The following FERMT1 variants were observed in gnomAD, a reference collection of about 807,000 sequenced individuals.
FERMT1 encodes the protein fermitin family homolog 1.
A neutral mutation model predicts 85.3 loss-of-function variants in FERMT1; 60 were observed. The ratio of observed to expected loss-of-function variants is 0.70; its 90% CI spans 0.57 to 0.87. The LOEUF (loss-of-function observed/expected upper bound fraction) is 0.87, where lower values mean the gene tolerates loss of function less well. Ranked by LOEUF, FERMT1 falls within the 40% of genes least tolerant of loss-of-function variation. FERMT1 has a pLI of 0.00. For missense variants in FERMT1, 701 were observed against 818.9 expected, an observed-to-expected ratio of 0.86 and a Z score of 1.76; for synonymous variants, 275 against 301.1, an observed-to-expected ratio of 0.91 and a Z score of 0.90.
At chr20:6,117,362 G>A (rs1217762987) in intron 2 of FERMT1, among the ~76,000 whole-genome samples, 2 of 151,556 alleles carry the variant, frequency 1.3e-5, no homozygotes, top group African/African-American at 4.9e-5. Flanking sequence ...TCTGCCTCCT[G>A]GGTTCAAGCG....
At chr20:6,078,443 T>C (rs1285578783) in intron 14 of FERMT1, among the ~76,000 whole-genome samples, 1 of 152,170 alleles carries the variant, frequency 6.6e-6, no homozygotes, top group African/African-American at 2.4e-5. Context: ...GAGGGAAGAT[T>C]GAGTCTGTAT....
chr20:6,111,152 G>C (rs1982937531), intron 4 of FERMT1, among the ~76,000 whole-genome samples: 4 of 152,140 alleles, frequency 2.6e-5, no homozygotes, highest in Admixed American at 1.3e-4. Context: ...ATTTCAGTAG[G>C]AGTCTTGGCA....
chr20:6,117,409 C>G (rs1600450633), intron 2 of FERMT1, among the ~76,000 whole-genome samples: 2 of 138,736 alleles, frequency 1.4e-5, no homozygotes, highest in African/African-American at 2.8e-5. Flanking sequence ...GCTGGGATTA[C>G]AGGTGCGCAC....
At position 6,079,469 on chromosome 20, in the gene FERMT1, G is replaced by A. The variant is rs766309966; in HGVS notation, c.1827C>T (p.Ile609=). ...IPVTTWRFTN[I]KQWNVNWETR... is the part of the protein sequence containing the mutation. The stretch of plus-strand genomic sequence containing the variant: ...TTTCCCAGTTTACATTCCACTGTTT[G>A]ATATTTGTGAATCTCCATGTTGTCA... Residue 609 remains isoleucine (I), a synonymous_variant, in exon 14 of 15, where the codon ATC becomes ATT. Coordinates refer to ENST00000217289, the MANE Select transcript of FERMT1 (RefSeq NM_017671.5). 4.3e-6 allele frequency: 7 copies of A among 1,614,078 alleles called. No individual in the cohort carries two copies. The South Asian group carries it at 6.6e-5, about 15-fold the overall frequency.
chr20:6,102,704 AAAG>A (rs1242742931), intron 6 of FERMT1, among the ~76,000 whole-genome samples: 2 of 149,476 alleles, frequency 1.3e-5, no homozygotes, highest in African/African-American at 4.9e-5. Context: ...AAAAAAAAGA[AAAG>A]AAAATAGAAA....
In FERMT1 at chr20:6,076,492, G is replaced by T; in HGVS notation, c.*681C>A. On this transcript the variant is annotated 3_prime_UTR_variant, in exon 15 of 15. Transcript: ENST00000217289. ...GGAATGGGGCTTGCAGGTGGCCCCA[G>T]AAATCTGAGGAGACCAATGACTAAG... 1 of 515,178 alleles carries T rather than the reference G, an allele frequency of 1.9e-6. No homozygotes were observed. Among genetic ancestry groups the T allele is most frequent in the Non-Finnish European group, 3.9e-6 (1 of 258,352 alleles). The allele number at this position is 515,178 out of a possible 1,614,324, so 31.9% of individuals were successfully genotyped here. A position where few individuals can be genotyped will look rare whatever the true frequency, so the allele number is the denominator to read the frequency against.
chr20:6,111,116 C>G (rs892373416), intron 4 of FERMT1, among the ~76,000 whole-genome samples: 1 of 152,126 alleles, frequency 6.6e-6, no homozygotes, highest in Non-Finnish European at 1.5e-5. Flanking sequence ...GAGACCACCT[C>G]TTTTCTAATA....
At chr20:6,114,840 A>G (rs1054846665) in intron 3 of FERMT1, among the ~76,000 whole-genome samples, 2 of 152,166 alleles carry the variant, frequency 1.3e-5, no homozygotes, top group Admixed American at 1.3e-4. Flanking sequence ...GGTACTATCC[A>G]TCCCATTTTA....
rs1212980420 is a variant in FERMT1, at chr20:6,104,478, A to G, written c.849+3054T>C. Among the ~76,000 whole-genome samples, 3 of 152,212 alleles carry G rather than the reference A, an allele frequency of 2.0e-5. No individual in the cohort carries two copies. Among genetic ancestry groups the G allele is most frequent in the Admixed American group, 6.5e-5 (1 of 15,278 alleles). On this transcript the variant is annotated intron_variant, in intron 6 of 14. Coordinates refer to ENST00000217289, the MANE Select transcript of FERMT1 (RefSeq NM_017671.5). This position sits in a 1 kb window ranked among gnomAD's most constrained non-coding sequence, Gnocchi z 4.2. Reference sequence around the variant, plus strand: ...GAGTCTTAAACTTGATTTTATCTATAGCACTCATAATTTTGAGAGAGGGGG... The same window carrying G: ...GAGTCTTAAACTTGATTTTATCTATGGCACTCATAATTTTGAGAGAGGGGG...
At chr20:6,084,879 G>T (rs1982117703) in intron 12 of FERMT1, among the ~76,000 whole-genome samples, 187 bp downstream of exon 12, 1 of 152,000 alleles carries the variant, frequency 6.6e-6, no homozygotes, top group Admixed American at 6.6e-5. Flanking sequence ...TTTTAGTATA[G>T]AAGGGATTTT....
chr20:6,120,742 G>C (rs1233333275), intron 1 of FERMT1, among the ~76,000 whole-genome samples: 4 of 152,116 alleles, frequency 2.6e-5, no homozygotes, highest in Non-Finnish European at 5.9e-5. Flanking sequence ...GCTTCTCTGA[G>C]GGTGTACACA....
chr20:6,083,455 G>A (rs1320113668), intron 13 of FERMT1, among the ~76,000 whole-genome samples: 1 of 151,986 alleles, frequency 6.6e-6, no homozygotes, highest in East Asian at 1.9e-4. Context: ...GAGCTTGCGG[G>A]GACCTCTCTA....
chr20:6,117,919 C>T (rs560460991), intron 2 of FERMT1, among the ~76,000 whole-genome samples: 8 of 152,064 alleles, frequency 5.3e-5, no homozygotes, highest in Admixed American at 5.2e-4. Flanking sequence ...ACCTCAGCCT[C>T]CCAAAGTGCT....
chr20:6,083,845 G>A (rs908288499), intron 13 of FERMT1, among the ~76,000 whole-genome samples, 195 bp downstream of exon 13: 1 of 152,160 alleles, frequency 6.6e-6, no homozygotes, highest in Non-Finnish European at 1.5e-5. Flanking sequence ...CTGAGTTTCA[G>A]GGGTATTGGA....
Position 6,085,145 on chromosome 20 carries a change from G to A in FERMT1, c.1514C>T (p.Ala505Val), listed in dbSNP as rs1428404766. The A allele has an allele frequency of 1.2e-6, 2 of 1,614,218 alleles. No homozygotes were observed. The highest frequency in any genetic ancestry group is 1.7e-6 in the Non-Finnish European group (2 of 1,180,036). ...MKNRNSASQV[A>V]SSLENMDMNP... is the part of the protein sequence containing the mutation. ...CATATCCATGTTTTCGAGACTGGAA[G>A]CCACCTGAGATGCAGAGTTCCTGTT... The change falls in exon 12 of 15, where the codon GCT becomes GTT. Residue 505 changes from alanine (A) to valine (V), a missense_variant. Physicochemically the swap from Ala to Val is moderately conservative, Grantham distance 64. Coordinates refer to ENST00000217289, the MANE Select transcript of FERMT1 (RefSeq NM_017671.5).
At position 6,110,026 on chromosome 20, in the gene FERMT1, C is replaced by G. The variant is rs552021844; in HGVS notation, c.746+272G>C. Among the ~76,000 whole-genome samples, 6 of 152,278 alleles carry G rather than the reference C, an allele frequency of 3.9e-5. No homozygotes were observed. In the South Asian group the frequency reaches 1.2e-3, roughly 32 times the overall value. ...CACTTATTAACTACCCTACATCCCA[C>G]AAAATATACTTTGCATATCTGTAGT... On this transcript the variant is annotated intron_variant, in intron 5 of 14. Transcript: ENST00000217289.
In FERMT1 at chr20:6,113,283, T is replaced by G. The variant is rs538374337; in HGVS notation, c.386-660A>C. On this transcript the variant is annotated intron_variant, in intron 3 of 14. Transcript: ENST00000217289. ...CTCCCCAGCCATGTGGAACTGTAAG[T>G]CCATTAAACTTCTTTCTTTTGTAAA... Among the ~76,000 whole-genome samples, 3 of 152,256 alleles carry G rather than the reference T, an allele frequency of 2.0e-5. No individual in the cohort carries two copies. The South Asian group carries it at 6.2e-4, about 32-fold the overall frequency.
intron 12 of FERMT1, 135 bp downstream of exon 12, chr20:6,084,931 G>A: frequency 1.3e-6 from 1 of 771,168 alleles, no homozygotes; most frequent in Non-Finnish European, 2.2e-6. Flanking sequence ...AACTTCAAGT[G>A]ACCCACCCAC....
rs1982137526 is a variant in FERMT1, at chr20:6,085,195, G to A, written c.1464C>T (p.Asn488=). 5 of 1,614,086 alleles carry A rather than the reference G, an allele frequency of 3.1e-6. No homozygotes were observed. The highest frequency in any genetic ancestry group is 1.7e-5 in the Admixed American group (1 of 60,006). The stretch of plus-strand genomic sequence containing the variant: ...TTTTCATCCTCAGAAATGAAAGGAT[G>A]TTGAGGACCTCTGGCTGGTAGGAGC... ...ADSSYQPEVL[N]ILSFLRMKNR... Residue 488 remains asparagine, a synonymous_variant, in exon 12 of 15, where the codon AAC becomes AAT. Coordinates refer to ENST00000217289, the MANE Select transcript of FERMT1 (RefSeq NM_017671.5).
Sources: allele counts gnomAD v4.1 joint callset (sites outside exome capture counted in the v4.1 genomes callset), GRCh38; gene constraint gnomAD v4.1.1; non-coding constraint Gnocchi (gnomAD v3.1); transcripts MANE v1.5; gene names NCBI Gene and HGNC (gene_info 2026-07-23, HGNC 2026-07-21).